NAA35: variants seen among roughly 807,000 people sequenced by gnomAD.
The protein encoded by NAA35 is MAK10 homolog, amino-acid N-acetyltransferase subunit.
In NAA35, 18 loss-of-function variants were observed where a neutral mutation model predicts 101.7. That is an observed-to-expected ratio of 0.18 (90% confidence interval 0.12 to 0.26). The LOEUF is 0.26. Ranked by LOEUF, NAA35 falls within the 10% of genes least tolerant of loss-of-function variation. The pLI is 1.00. For missense variants in NAA35, 601 were observed against 886.8 expected (o/e 0.68, Z 4.09); for synonymous variants, 267 against 273.1 (o/e 0.98, Z 0.22).
chr9:85,983,457 A>G (rs1238659116), intron 11 of NAA35, among the ~76,000 whole-genome samples: 1 of 152,122 alleles, frequency 6.6e-6, no homozygotes, highest in East Asian at 1.9e-4. Flanking sequence ...AGTGCTCTTA[A>G]TGGTTTTTTT....
intron 6 of NAA35, among the ~76,000 whole-genome samples, chr9:85,963,129 C>T (rs1477229291): frequency 1.3e-5 from 2 of 152,116 alleles, no homozygotes; most frequent in Admixed American, 1.3e-4. Context: ...AGTGCTGTTA[C>T]TGCTCCAGAA....
chr9:85,955,386 A>T (rs1288101355), intron 2 of NAA35, among the ~76,000 whole-genome samples: 1 of 97,388 alleles, frequency 1.0e-5, no homozygotes, highest in African/African-American at 4.5e-5. Flanking sequence ...TTCTTCAGAC[A>T]GAGTCTCGCT....
chr9:85,977,249 G>A (rs915713509), intron 9 of NAA35, 114 bp from the exon 10 acceptor site: 3 of 739,286 alleles, frequency 4.1e-6, no homozygotes, highest in Non-Finnish European at 7.1e-6. Context: ...AAGTGAAGGT[G>A]CCTGTAATGT....
chr9:85,971,061 C>T (rs1829977689), intron 6 of NAA35, among the ~76,000 whole-genome samples: 1 of 152,230 alleles, frequency 6.6e-6, no homozygotes, highest in Admixed American at 6.5e-5. Flanking sequence ...CTCGCTTACT[C>T]TTATTGGCAT....
intron 5 of NAA35, among the ~76,000 whole-genome samples, chr9:85,960,988 G>A (rs1325657106): frequency 1.3e-5 from 2 of 152,210 alleles, no homozygotes; most frequent in Non-Finnish European, 2.9e-5. Context: ...AAGTCTGGCA[G>A]GGAGCCAAGT....
At chr9:85,961,265 T>A (rs1829500209) in intron 5 of NAA35, among the ~76,000 whole-genome samples, 1 of 152,236 alleles carries the variant, frequency 6.6e-6, no homozygotes, top group Non-Finnish European at 1.5e-5. Flanking sequence ...TACTGCAGAA[T>A]TCTTGGGCTT....
intron 11 of NAA35, among the ~76,000 whole-genome samples, chr9:85,991,832 T>C (rs1830924999): frequency 6.6e-6 from 1 of 151,846 alleles, no homozygotes. Flanking sequence ...GATGAGGGGG[T>C]GATCATGGAT....
At chr9:86,012,821 T>C (rs1010912406) in intron 15 of NAA35, among the ~76,000 whole-genome samples, 2 of 152,228 alleles carry the variant, frequency 1.3e-5, no homozygotes, top group African/African-American at 2.4e-5. Context: ...TTTTATCATA[T>C]GAAAGCAAGT....
intron 17 of NAA35, 37 bp from the exon 18 acceptor site, chr9:86,016,502 G>T: frequency 6.3e-7 from 1 of 1,592,076 alleles, no homozygotes; most frequent in South Asian, 1.1e-5. Flanking sequence ...GTCTCATTTA[G>T]ACATCTACCA....
chr9:86,007,408 A>G lies in NAA35; in HGVS notation c.1167A>G (p.Gln389=), dbSNP rs200924832. ...AGGTCTTTGGAACTCATCTCATGCA[A>G]GACATGGTGAAAGATGCACTTCGGT... is the stretch of plus-strand genomic sequence containing the variant. The part of the protein sequence containing the change: ...NKKVFGTHLM[Q]DMVKDALRSF... The change falls in exon 14 of 23, where the codon CAA becomes CAG. Residue 389 remains glutamine, a synonymous_variant. Coordinates refer to ENST00000361671, the MANE Select transcript of NAA35 (RefSeq NM_024635.4). 4 of 1,613,932 alleles carry G rather than the reference A, an allele frequency of 2.5e-6. No individual in the cohort carries two copies. The highest frequency in any genetic ancestry group is 3.4e-6 in the Non-Finnish European group (4 of 1,179,844).
intron 16 of NAA35, among the ~76,000 whole-genome samples, 182 bp downstream of exon 16, chr9:86,013,326 TGATA>T (rs754605174): frequency 2.6e-5 from 4 of 152,182 alleles, no homozygotes; most frequent in African/African-American, 4.8e-5. Context: ...TAATCCAAAC[TGATA>T]GATATCTTAA....
At chr9:85,976,536 G>T (rs77906981) in intron 8 of NAA35, 149 bp from the exon 9 acceptor site, 7,880 of 523,890 alleles carry the variant, frequency 0.015, 106 homozygotes, top group Non-Finnish European at 0.022. Flanking sequence ...TAGGAGGAAT[G>T]TAAATACTAG....
rs1361194889 is a variant in NAA35, at chr9:85,964,897, C to T, written c.516+2717C>T. ...TTTGTATTTAAGCAATCTTGGGATA[C>T]ACTTTAAGACCATAAAAATATCCTA... On this transcript the variant is annotated intron_variant, in intron 6 of 22. Transcript: ENST00000361671. Among the ~76,000 whole-genome samples the T allele has an allele frequency of 3.3e-5, 5 of 152,274 alleles. No individual in the cohort carries two copies. The East Asian group carries it at 5.8e-4, about 18-fold the overall frequency.
At chr9:85,963,708 G>C (rs1465702320) in intron 6 of NAA35, among the ~76,000 whole-genome samples, 1 of 152,098 alleles carries the variant, frequency 6.6e-6, no homozygotes, top group Non-Finnish European at 1.5e-5. Context: ...GTTTGAGTTA[G>C]AGATATACAG....
chr9:86,021,602 G>T (rs1832561876), intron 22 of NAA35, among the ~76,000 whole-genome samples: 1 of 152,112 alleles, frequency 6.6e-6, no homozygotes, highest in African/African-American at 2.4e-5. Context: ...GCTGACCCCT[G>T]ATCTAACTGA....
chr9:86,010,501 C>T (rs1831857513), intron 15 of NAA35, among the ~76,000 whole-genome samples: 1 of 150,580 alleles, frequency 6.6e-6, no homozygotes, highest in Admixed American at 6.6e-5. Context: ...ACTGGGAAAA[C>T]AGCAGTTGCT....
At chr9:85,978,217 T>G (rs1830294709) in intron 10 of NAA35, 50 bp from the exon 11 acceptor site, 2 of 1,080,480 alleles carry the variant, frequency 1.9e-6, no homozygotes, top group Non-Finnish European at 1.4e-6. Flanking sequence ...TTAATGTATA[T>G]CTTTCAGTGA....
intron 6 of NAA35, among the ~76,000 whole-genome samples, chr9:85,971,277 G>A (rs1427688502): frequency 2.6e-5 from 4 of 152,156 alleles, no homozygotes; most frequent in Non-Finnish European, 5.9e-5. Flanking sequence ...TACCCATCTT[G>A]CTAAATTCAG....
intron 21 of NAA35, among the ~76,000 whole-genome samples, chr9:86,019,956 G>A (rs1175741487): frequency 6.6e-6 from 1 of 152,184 alleles, no homozygotes; most frequent in African/African-American, 2.4e-5. Context: ...CATTCATACA[G>A]TGGAATACTG....
Sources: gnomAD v4.1 joint callset for allele counts (sites outside exome capture counted in the v4.1 genomes callset) on GRCh38, gnomAD v4.1.1 for gene constraint, MANE v1.5 for transcripts, NCBI Gene and HGNC (gene_info 2026-07-23, HGNC 2026-07-21) for gene names.